The following MAP4 variants were observed in gnomAD, a reference collection of about 807,000 sequenced individuals.
MAP4 encodes microtubule-associated protein 4.
In MAP4, 76 loss-of-function variants were observed where a neutral mutation model predicts 170.2. The ratio of observed to expected loss-of-function variants is 0.45; its 90% CI spans 0.37 to 0.54. The LOEUF (loss-of-function observed/expected upper bound fraction) is 0.54, where lower values mean the gene tolerates loss of function less well. Ranked by LOEUF, MAP4 falls within the 20% of genes least tolerant of loss-of-function variation. The probability of loss-of-function intolerance (pLI) is 0.00; values close to 1 mark genes in which losing one functional copy is unlikely to be tolerated. For synonymous variants in MAP4, 909 were observed against 994.5 expected (o/e 0.91, Z 1.62); for missense variants, 2,506 against 2,748.0 (o/e 0.91, Z 1.97).
chr3:47,868,401 T>C (rs1049820138), intron 16 of MAP4, among the ~76,000 whole-genome samples: 7 of 152,158 alleles, frequency 4.6e-5, no homozygotes, highest in African/African-American at 1.7e-4. Flanking sequence ...AGCAAACTAC[T>C]TAATGAGCCT....
At chr3:48,028,002 G>A (rs183472270) in intron 1 of MAP4, among the ~76,000 whole-genome samples, 3 of 152,188 alleles carry the variant, frequency 2.0e-5, no homozygotes, top group East Asian at 3.9e-4. Context: ...CTTCAAGAAC[G>A]TTGCAGGGGC....
intron 1 of MAP4, among the ~76,000 whole-genome samples, chr3:48,080,418 T>C (rs759947818): frequency 6.6e-6 from 1 of 152,134 alleles, no homozygotes; most frequent in Non-Finnish European, 1.5e-5. Context: ...GCTGAAAGTA[T>C]TTTTTTTAAA....
intron 1 of MAP4, among the ~76,000 whole-genome samples, chr3:48,025,292 CTT>C (rs35840095): frequency 1.8e-4 from 25 of 137,124 alleles, no homozygotes; most frequent in Admixed American, 2.2e-4. Flanking sequence ...TACCTACACA[CTT>C]TTTTTTTTTT....
intron 1 of MAP4, among the ~76,000 whole-genome samples, chr3:48,051,435 T>G (rs965572529): frequency 6.6e-6 from 1 of 152,124 alleles, no homozygotes; most frequent in East Asian, 1.9e-4. Flanking sequence ...GACCCACATA[T>G]CCTTTTCAAG....
chr3:47,906,009 AC>A (rs1201867282), intron 9 of MAP4, among the ~76,000 whole-genome samples: 6 of 152,066 alleles, frequency 3.9e-5, no homozygotes, highest in African/African-American at 9.7e-5. Context: ...AACAAAAAAA[AC>A]AAACAAAAAA....
At chr3:47,962,800 T>A (rs1233418906) in intron 3 of MAP4, among the ~76,000 whole-genome samples, 1 of 152,212 alleles carries the variant, frequency 6.6e-6, no homozygotes, top group Non-Finnish European at 1.5e-5. Flanking sequence ...TGCTCAGCAC[T>A]AACAGCAGCA....
chr3:48,074,725 T>TGTGTGTGTGTGTGTGAGA (rs756153345), intron 1 of MAP4, among the ~76,000 whole-genome samples: 2 of 147,422 alleles, frequency 1.4e-5, no homozygotes, highest in East Asian at 2.0e-4. Context: ...TGTGTGTGTG[T>TGTGTGTGTGTGTGTGAGA]GATATGTCGG....
chr3:47,967,057 C>A (rs1326576864), intron 3 of MAP4, among the ~76,000 whole-genome samples: 2 of 152,202 alleles, frequency 1.3e-5, no homozygotes, highest in Non-Finnish European at 2.9e-5. Flanking sequence ...ACATTTAGGG[C>A]CGGGTGCAGT....
intron 3 of MAP4, 50 bp from the exon 4 acceptor site, chr3:47,928,400 C>T (rs377462885): frequency 1.3e-5 from 21 of 1,583,538 alleles, no homozygotes; most frequent in Non-Finnish European, 1.6e-5. Flanking sequence ...CAGTTTTCTC[C>T]TCCACTACAG....
At chr3:48,020,693 A>C (rs570250679), upstream of MAP4, among the ~76,000 whole-genome samples, 5 of 152,336 alleles carry the variant, frequency 3.3e-5, no homozygotes, top group South Asian at 1.0e-3. Flanking sequence ...AATACAAGTA[A>C]AAATCTGAAT....
chr3:47,858,238 C>G (rs1267272161), intron 17 of MAP4, among the ~76,000 whole-genome samples: 2 of 151,966 alleles, frequency 1.3e-5, no homozygotes, highest in Admixed American at 1.3e-4. Flanking sequence ...GTCTCGAACT[C>G]CTGACCTCAG....
rs2100047155 is a variant in MAP4, at chr3:47,928,220, A to G, written c.415+8T>C. 6.2e-7 allele frequency: 1 copy of G among 1,613,946 alleles called. No individual in the cohort carries two copies. Among genetic ancestry groups the G allele is most frequent in the Non-Finnish European group, 8.5e-7 (1 of 1,180,006 alleles). ...ACATTTAGTAGTCACGAGCAAGCCA[A>G]CACTTACCAGTCTGGATAGGATCGA... On this transcript the variant is annotated splice_region_variant and intron_variant, in intron 4 of 20. Transcript: ENST00000683076.
chr3:47,879,303 AAAAG>A (rs1003917159), intron 10 of MAP4, among the ~76,000 whole-genome samples: 1 of 152,186 alleles, frequency 6.6e-6, no homozygotes, highest in Non-Finnish European at 1.5e-5. Flanking sequence ...GGGATGAGGG[AAAAG>A]ATATTGCAAA....
chr3:48,030,842 T>A (rs955830351), intron 1 of MAP4, among the ~76,000 whole-genome samples: 2 of 143,114 alleles, frequency 1.4e-5, no homozygotes, highest in Non-Finnish European at 3.0e-5. Flanking sequence ...GTAACTCAAT[T>A]ACACAGGAGT....
At chr3:47,899,141 C>T (rs972752477) in intron 10 of MAP4, among the ~76,000 whole-genome samples, 2 of 152,106 alleles carry the variant, frequency 1.3e-5, no homozygotes, top group African/African-American at 4.8e-5. Flanking sequence ...GAGGTAAATA[C>T]ATGAAGTTTG....
intron 16 of MAP4, among the ~76,000 whole-genome samples, chr3:47,868,542 G>A (rs1463083930): frequency 6.6e-6 from 1 of 152,112 alleles, no homozygotes; most frequent in African/African-American, 2.4e-5. Context: ...TCTGGCAGAG[G>A]CACACCTACC....
intron 10 of MAP4, chr3:47,890,988 G>T: frequency 7.0e-7 from 1 of 1,431,524 alleles, no homozygotes; most frequent in Non-Finnish European, 9.2e-7. Flanking sequence ...CTTGCTGTCT[G>T]CTTGTTCCCA....
chr3:47,925,945 C>T (rs934154621), intron 4 of MAP4, among the ~76,000 whole-genome samples: 1 of 152,194 alleles, frequency 6.6e-6, no homozygotes. Flanking sequence ...ACCTCTGCCT[C>T]CCGGGCTCAA....
intron 2 of MAP4, chr3:47,987,304 T>G (rs889510043): frequency 3.8e-6 from 4 of 1,063,848 alleles, no homozygotes; most frequent in African/African-American, 3.2e-5. Context: ...TTAATAAGTG[T>G]AAGATAACAA....
Sources: gnomAD v4.1 joint callset for allele counts (sites outside exome capture counted in the v4.1 genomes callset) on GRCh38, gnomAD v4.1.1 for gene constraint, MANE v1.5 for transcripts, NCBI Gene and HGNC (gene_info 2026-07-23, HGNC 2026-07-21) for gene names.